OXR1: variants seen among roughly 807,000 people sequenced by gnomAD.
OXR1 encodes the protein oxidation resistance protein 1.
OXR1 carries 41 observed loss-of-function variants against 104.6 expected under a neutral mutation model. The ratio of observed to expected loss-of-function variants is 0.39; its 90% confidence interval spans 0.31 to 0.51. The LOEUF is 0.51. OXR1 is among the 20% of genes least tolerant of loss of function. The probability of loss-of-function intolerance (pLI) is 0.77; values close to 1 mark genes in which losing one functional copy is unlikely to be tolerated. For synonymous variants in OXR1, 348 were observed against 348.4 expected, an observed-to-expected ratio of 1.00 and a Z score of 0.01; for missense variants, 955 against 1,031.9, an observed-to-expected ratio of 0.93 and a Z score of 1.02.
intron 1 of OXR1, among the ~76,000 whole-genome samples, chr8:106,319,050 G>A (rs1814102533): frequency 6.6e-6 from 1 of 152,186 alleles, no homozygotes; most frequent in Admixed American, 6.5e-5. Flanking sequence ...TTGCTCCTGT[G>A]TTTTACCATT....
chr8:106,285,216 G>T (rs975004513), intron 1 of OXR1, among the ~76,000 whole-genome samples: 1 of 152,088 alleles, frequency 6.6e-6, no homozygotes, highest in Non-Finnish European at 1.5e-5. Flanking sequence ...CTAAACAATT[G>T]TGTACATGGC....
intron 2 of OXR1, among the ~76,000 whole-genome samples, chr8:106,439,147 C>A (rs941081874): frequency 1.3e-5 from 2 of 151,968 alleles, no homozygotes; most frequent in African/African-American, 4.8e-5. Flanking sequence ...TGTGTTGAAA[C>A]CTTAATCCCA....
intron 3 of OXR1, among the ~76,000 whole-genome samples, chr8:106,644,342 TTAATA>T (rs1563664676): frequency 2.0e-5 from 3 of 152,254 alleles, no homozygotes; most frequent in African/African-American, 4.8e-5. Flanking sequence ...CTTTAGCATA[TTAATA>T]TATCATTAAA....
intron 2 of OXR1, among the ~76,000 whole-genome samples, chr8:106,440,826 T>C (rs1819751410): frequency 6.6e-6 from 1 of 152,134 alleles, no homozygotes; most frequent in Admixed American, 6.6e-5. Flanking sequence ...AAAATACCAG[T>C]ATAGCATGTT....
At position 106,276,623 on chromosome 8, in the gene OXR1, C is replaced by G. The variant is rs1376050599; in HGVS notation, c.-139+6256C>G. Among the ~76,000 whole-genome samples, 4 of 152,050 alleles carry G rather than the reference C, an allele frequency of 2.6e-5. No homozygotes were observed. In the East Asian group the frequency reaches 7.7e-4, roughly 29 times the overall value. ...GTTTACAGTTTTCAAAATCTCCATCCAAACCTCTTTCTCAAGAGCATGCTT... is the reference window on the plus strand; with the variant it reads ...GTTTACAGTTTTCAAAATCTCCATCGAAACCTCTTTCTCAAGAGCATGCTT... On this transcript the variant is annotated intron_variant, in intron 1 of 16. Coordinates refer to ENST00000517566, the MANE Select transcript of OXR1 (RefSeq NM_001198533.2).
rs1834728418 is a variant in OXR1, at chr8:106,739,508, A to G, written c.2088A>G (p.Ala696=). ...CAAAGCAGGTTGCTACAGTGAAAGC[A>G]GACCTGGAGTCTGAATCTTTTCGAC... ...INSKQVATVK[A]DLESESFRPN... is the part of the protein sequence containing the mutation. Residue 696 remains alanine, a synonymous_variant, in exon 13 of 17, where the codon GCA becomes GCG. Coordinates refer to ENST00000517566, the MANE Select transcript of OXR1 (RefSeq NM_001198533.2). The G allele has an allele frequency of 1.2e-6, 2 of 1,612,878 alleles. No homozygotes were observed. The highest frequency in any genetic ancestry group is 1.7e-6 in the Non-Finnish European group (2 of 1,178,988).
Position 106,707,119 on chromosome 8 carries a change from T to G in OXR1, c.1598T>G (p.Ile533Ser), listed in dbSNP as rs1331336016. 1.2e-6 allele frequency: 2 copies of G among 1,613,780 alleles called. No individual in the cohort carries two copies. The highest frequency in any genetic ancestry group is 2.2e-5 in the South Asian group (2 of 91,062). Reference protein sequence around the residue: ...QVSQKEAKHKITSADGHIESS... With the variant: ...QVSQKEAKHKSTSADGHIESS... ...TCACAAAAAGAAGCTAAGCATAAAA[T>G]TACATCTGCTGATGGACACATAGAA... The change falls in exon 9 of 17, where the codon ATT becomes AGT. Residue 533 changes from isoleucine (I) to serine (S), a missense_variant. This residue lies in a region of OXR1 where 849 missense variants were observed against 852.9 expected (regional missense o/e 1.00). Transcript: ENST00000517566.
At chr8:106,526,736 GT>G (rs1813710760) in intron 3 of OXR1, among the ~76,000 whole-genome samples, 2 of 152,288 alleles carry the variant, frequency 1.3e-5, no homozygotes, top group Non-Finnish European at 2.9e-5. Context: ...GTAGAGACAG[GT>G]TTTCACTGTG....
intron 12 of OXR1, among the ~76,000 whole-genome samples, chr8:106,739,072 GCATACA>G (rs1229877747): frequency 1.1e-4 from 8 of 73,346 alleles, no homozygotes; most frequent in African/African-American, 2.6e-4. Flanking sequence ...ATTTTAAATA[GCATACA>G]CACACACACA....
chr8:106,742,103 T>C (rs746544357), intron 14 of OXR1, 119 bp from the exon 15 acceptor site: 60 of 635,990 alleles, frequency 9.4e-5, no homozygotes, highest in Non-Finnish European at 1.5e-4. Flanking sequence ...TAAGTATGAT[T>C]AGATTAAACT....
intron 3 of OXR1, among the ~76,000 whole-genome samples, chr8:106,554,468 A>G (rs1309986791): frequency 6.6e-6 from 1 of 152,212 alleles, no homozygotes; most frequent in Non-Finnish European, 1.5e-5. Flanking sequence ...GGACATTACT[A>G]TGAAAACTGG....
intron 2 of OXR1, among the ~76,000 whole-genome samples, chr8:106,362,511 A>T (rs2130348211): frequency 6.6e-6 from 1 of 152,314 alleles, no homozygotes; most frequent in East Asian, 1.9e-4. Context: ...TACTTGAAAA[A>T]ATATATAAAT....
rs1426124956 is a variant in OXR1 at position 106,277,306 on chromosome 8, T to C, written c.-139+6939T>C. On this transcript the variant is annotated intron_variant, in intron 1 of 16. Transcript: ENST00000517566. ...CAAAAAAATTGGGCAAATTACTTTC[T>C]ACCTTACTACTTTTTAAGAATCATA... 3.3e-5 allele frequency among the ~76,000 whole-genome samples: 5 copies of C among 152,324 alleles called. No individual in the cohort carries two copies. In the South Asian group the frequency reaches 1.0e-3, roughly 32 times the overall value.
intron 1 of OXR1, among the ~76,000 whole-genome samples, chr8:106,344,492 C>T (rs1290014384): frequency 6.6e-6 from 1 of 152,150 alleles, no homozygotes; most frequent in African/African-American, 2.4e-5. Context: ...CGCGTGCCAC[C>T]ATGCCTGGCT....
chr8:106,726,044 C>A, intron 11 of OXR1: 1 of 681,470 alleles, frequency 1.5e-6, no homozygotes, highest in Non-Finnish European at 2.2e-6. Context: ...GCTTTACAGC[C>A]TCCACTCAGG....
chr8:106,551,807 T>C (rs201657959), intron 3 of OXR1, among the ~76,000 whole-genome samples: 166 of 131,102 alleles, frequency 1.3e-3, no homozygotes, highest in African/African-American at 4.4e-3. Context: ...TATATATATA[T>C]ATATATACAC....
intron 3 of OXR1, among the ~76,000 whole-genome samples, chr8:106,615,607 CAAAAAAAA>C (rs34898459): frequency 7.8e-4 from 92 of 117,616 alleles, no homozygotes; most frequent in African/African-American, 2.4e-3. Context: ...GAATCTGTCT[CAAAAAAAA>C]AAAAAAAAAG....
intron 2 of OXR1, among the ~76,000 whole-genome samples, chr8:106,391,803 G>A (rs1358565132): frequency 2.0e-5 from 3 of 151,990 alleles, no homozygotes; most frequent in Non-Finnish European, 2.9e-5. Context: ...TTACATAAGA[G>A]AAACATTTAA....
At chr8:106,701,596 A>G (rs984288755) in intron 7 of OXR1, among the ~76,000 whole-genome samples, 1 of 152,176 alleles carries the variant, frequency 6.6e-6, no homozygotes, top group Admixed American at 6.5e-5. Context: ...CAGGATATAT[A>G]GTGGACTGAA....
Sources: allele counts gnomAD v4.1 joint callset (sites outside exome capture counted in the v4.1 genomes callset), GRCh38; gene constraint gnomAD v4.1.1; regional missense constraint gnomAD v4.1.1; transcripts MANE v1.5; gene names NCBI Gene and HGNC (gene_info 2026-07-23, HGNC 2026-07-21).